PREX2: variants seen among roughly 807,000 people sequenced by gnomAD.
The protein encoded by PREX2 is phosphatidylinositol-3,4,5-trisphosphate dependent Rac exchange factor 2, also known as phosphatidylinositol 3,4,5-trisphosphate-dependent Rac exchanger 2 protein.
A neutral mutation model predicts 203.2 loss-of-function variants in PREX2; 107 were observed. The ratio of observed to expected loss-of-function variants is 0.53; its 90% CI spans 0.45 to 0.62. The LOEUF (loss-of-function observed/expected upper bound fraction) is 0.62, where lower values mean the gene tolerates loss of function less well. PREX2 is among the 20% of genes least tolerant of loss of function. PREX2 has a pLI of 0.00. For synonymous variants in PREX2, 672 were observed against 663.6 expected (o/e 1.01, Z -0.19); for missense variants, 1,777 against 1,955.9 (o/e 0.91, Z 1.72).
At chr8:68,135,271 G>A (rs1315973423) in intron 32 of PREX2, among the ~76,000 whole-genome samples, 1 of 151,926 alleles carries the variant, frequency 6.6e-6, no homozygotes, top group African/African-American at 2.4e-5. Flanking sequence ...AAGTGCCGGT[G>A]CTTTTACTTT....
chr8:68,053,388 T>A, intron 9 of PREX2, 142 bp downstream of exon 9: 1 of 859,336 alleles, frequency 1.2e-6, no homozygotes. Flanking sequence ...TATTGCAGTT[T>A]TGACATTGAA....
intron 1 of PREX2, among the ~76,000 whole-genome samples, chr8:68,003,039 A>C (rs1243342971): frequency 6.6e-6 from 1 of 152,180 alleles, no homozygotes. Flanking sequence ...TTCATTGGAC[A>C]GTTTCAAGGG....
intron 9 of PREX2, 91 bp downstream of exon 9, chr8:68,053,337 G>A: frequency 7.5e-7 from 1 of 1,333,846 alleles, no homozygotes; most frequent in Non-Finnish European, 1.0e-6. Flanking sequence ...AAATGGAAAG[G>A]TATATGATGG....
intron 31 of PREX2, among the ~76,000 whole-genome samples, chr8:68,127,813 C>T (rs1810924799): frequency 6.6e-6 from 1 of 151,968 alleles, no homozygotes; most frequent in Non-Finnish European, 1.5e-5. Flanking sequence ...AACACTTTTA[C>T]CATGCACTTA....
chr8:68,112,985 A>G lies in PREX2; in HGVS notation c.3147-2768A>G, dbSNP rs1461966952. Among the ~76,000 whole-genome samples, 4 of 152,314 alleles carry G rather than the reference A, an allele frequency of 2.6e-5. No homozygotes were observed. The East Asian group carries it at 7.7e-4, about 29-fold the overall frequency. On this transcript the variant is annotated intron_variant, in intron 25 of 39. Coordinates refer to ENST00000288368, the MANE Select transcript of PREX2 (RefSeq NM_024870.4). ...CTGTATACAAAAATCTTTCTTATCA[A>G]TGGCACAAGGAGAAGATTCACCTGG... is the stretch of plus-strand genomic sequence containing the variant.
intron 1 of PREX2, among the ~76,000 whole-genome samples, chr8:67,995,892 A>C (rs958627835): frequency 1.3e-5 from 2 of 152,130 alleles, no homozygotes; most frequent in African/African-American, 4.8e-5. Context: ...GTTTAACTTT[A>C]TGAGAAACTA....
At chr8:68,190,582 C>T (rs1812271846) in intron 35 of PREX2, among the ~76,000 whole-genome samples, 1 of 151,956 alleles carries the variant, frequency 6.6e-6, no homozygotes. Context: ...AACCCCCTTC[C>T]CACCTCTTCC....
chr8:67,983,554 A>C (rs887826653), intron 1 of PREX2, among the ~76,000 whole-genome samples: 3 of 152,316 alleles, frequency 2.0e-5, no homozygotes. Context: ...GTCACCCACA[A>C]TGGCCACAGG....
chr8:67,982,635 G>C (rs1276601298), intron 1 of PREX2, among the ~76,000 whole-genome samples: 6 of 152,266 alleles, frequency 3.9e-5, no homozygotes, highest in Non-Finnish European at 8.8e-5. Context: ...AGCCTAATGA[G>C]AGCTGCTGAT....
intron 30 of PREX2, among the ~76,000 whole-genome samples, chr8:68,121,610 T>A (rs914343832): frequency 6.6e-6 from 1 of 152,160 alleles, no homozygotes; most frequent in Non-Finnish European, 1.5e-5. Flanking sequence ...ATAGATTGCA[T>A]GTTGTTTAGA....
At chr8:68,220,392 G>T (rs2129615381) in intron 38 of PREX2, 1 of 152,270 alleles carries the variant, frequency 6.6e-6, no homozygotes, top group South Asian at 2.1e-4. Flanking sequence ...AGTTTTCTAT[G>T]CCATAATTAT....
chr8:68,102,763 A>T (rs531485129), intron 23 of PREX2: 2 of 498,748 alleles, frequency 4.0e-6, no homozygotes, highest in Non-Finnish European at 7.9e-6. Flanking sequence ...GTTGATTGCT[A>T]TAGTTTCTGT....
intron 14 of PREX2, among the ~76,000 whole-genome samples, chr8:68,073,459 T>C (rs975515932): frequency 6.6e-6 from 1 of 152,140 alleles, no homozygotes; most frequent in Non-Finnish European, 1.5e-5. Flanking sequence ...ATGTTTATTT[T>C]TTGTTTCAGT....
chr8:67,987,183 A>C (rs1806457904), intron 1 of PREX2, among the ~76,000 whole-genome samples: 1 of 118,668 alleles, frequency 8.4e-6, no homozygotes, highest in Non-Finnish European at 1.8e-5. Flanking sequence ...AAAAAAGAAC[A>C]CCACTAACTA....
chr8:67,976,279 G>A (rs375445346), intron 1 of PREX2, among the ~76,000 whole-genome samples: 36 of 152,210 alleles, frequency 2.4e-4, no homozygotes, highest in Middle Eastern at 6.8e-3. Flanking sequence ...TAGCTCTCTC[G>A]AAGATAGCTG....
At chr8:68,092,983 AACTT>A (rs1172124819) in intron 20 of PREX2, among the ~76,000 whole-genome samples, 3 of 152,134 alleles carry the variant, frequency 2.0e-5, no homozygotes, top group Admixed American at 6.5e-5. Context: ...TGTGATTTAT[AACTT>A]ACTTACGATA....
chr8:68,170,094 C>T (rs951736166), intron 35 of PREX2, among the ~76,000 whole-genome samples: 19 of 152,050 alleles, frequency 1.2e-4, no homozygotes, highest in Admixed American at 7.9e-4. Context: ...TAAGATCTTC[C>T]CAGAGCCAGT....
intron 15 of PREX2, among the ~76,000 whole-genome samples, chr8:68,079,753 T>C (rs7015808): frequency 0.53 from 81,131 of 151,984 alleles, 21,667 homozygotes; most frequent in South Asian, 0.56. Flanking sequence ...TAACAAAACA[T>C]AAACTTTATT....
rs1180959436 is a variant in PREX2, at chr8:68,233,280, T to G, written c.*1902T>G. ...GCAAGTCCTTTCATATTGTCATGAC[T>G]GTTTTCTCATCACCATCCTGGAAGC... On this transcript the variant is annotated 3_prime_UTR_variant, in exon 40 of 40. Coordinates refer to ENST00000288368, the MANE Select transcript of PREX2 (RefSeq NM_024870.4). 1 of 152,178 alleles carries G rather than the reference T, an allele frequency of 6.6e-6. No homozygotes were observed. The highest frequency in any genetic ancestry group is 1.5e-5 in the Non-Finnish European group (1 of 68,006). 9.4% of individuals were successfully genotyped at this position (152,178 alleles called of 1,614,324 possible). A position where few individuals can be genotyped will look rare whatever the true frequency, so the allele number is the denominator to read the frequency against.
Sources: allele counts gnomAD v4.1 joint callset (sites outside exome capture counted in the v4.1 genomes callset), GRCh38; gene constraint gnomAD v4.1.1; transcripts MANE v1.5; gene names NCBI Gene and HGNC (gene_info 2026-07-23, HGNC 2026-07-21).